Variants in MGAT5 observed in about 807,000 individuals in gnomAD.
MGAT5 encodes alpha-1,6-mannosylglycoprotein 6-beta-N-acetylglucosaminyltransferase A.
MGAT5 carries 30 observed loss-of-function variants against 94.3 expected under a neutral mutation model. The observed-to-expected ratio is 0.32, with a 90% confidence interval of 0.24 to 0.43. The LOEUF (loss-of-function observed/expected upper bound fraction) is 0.43, where lower values mean the gene tolerates loss of function less well. Ranked by LOEUF, MGAT5 falls within the 20% of genes least tolerant of loss-of-function variation. MGAT5 has a pLI of 1.00. For missense variants in MGAT5, 691 were observed against 905.5 expected, an observed-to-expected ratio of 0.76 and a Z score of 3.04; for synonymous variants, 310 against 322.9, an observed-to-expected ratio of 0.96 and a Z score of 0.43.
At chr2:134,411,271 C>T (rs774514014) in intron 11 of MGAT5, among the ~76,000 whole-genome samples, 34 of 152,148 alleles carry the variant, frequency 2.2e-4, no homozygotes, top group Non-Finnish European at 4.6e-4. Flanking sequence ...CTTTATCCTA[C>T]AGCTTCCAGG....
At chr2:134,279,217 G>A (rs1333140750) in intron 2 of MGAT5, among the ~76,000 whole-genome samples, 2 of 152,160 alleles carry the variant, frequency 1.3e-5, no homozygotes, top group Non-Finnish European at 2.9e-5. Flanking sequence ...CACCATTTCT[G>A]CCACTTATGT....
In MGAT5 at chr2:134,453,142, T is replaced by G. The variant is rs558758337; in HGVS notation, c.*4295T>G. On this transcript the variant is annotated 3_prime_UTR_variant, in exon 16 of 16. Coordinates refer to ENST00000281923, the MANE Select transcript of MGAT5 (RefSeq NM_002410.5). ...TAAAACTTGAGAAATAGAGCTGAGCTCATTCCCTTCCTGTTGATTCAAAAA... is the reference window on the plus strand; with the variant it reads ...TAAAACTTGAGAAATAGAGCTGAGCGCATTCCCTTCCTGTTGATTCAAAAA... The G allele has an allele frequency of 6.6e-6, 1 of 152,362 alleles. No individual in the cohort carries two copies. Among genetic ancestry groups the G allele is most frequent in the South Asian group, 2.1e-4 (1 of 4,828 alleles). The allele number at this position is 152,362 out of a possible 1,614,324, so 9.4% of individuals were successfully genotyped here.
intron 1 of MGAT5, among the ~76,000 whole-genome samples, chr2:134,231,606 T>C (rs893294553): frequency 1.3e-5 from 2 of 152,182 alleles, no homozygotes; most frequent in Non-Finnish European, 2.9e-5. Flanking sequence ...AGTGAAATAA[T>C]TAGTTGCTTG....
chr2:134,293,868 T>A (rs1685520406), intron 2 of MGAT5, among the ~76,000 whole-genome samples: 1 of 152,200 alleles, frequency 6.6e-6, no homozygotes, highest in Admixed American at 6.5e-5. Flanking sequence ...ATGGCTTTGC[T>A]AGCATGAAAT....
chr2:134,443,441 C>T (rs1017099617), intron 15 of MGAT5, among the ~76,000 whole-genome samples: 1 of 152,216 alleles, frequency 6.6e-6, no homozygotes, highest in Non-Finnish European at 1.5e-5. Context: ...ATCTGCCCGC[C>T]TAGGCCTCCC....
At chr2:134,232,225 G>T (rs1395787874) in intron 1 of MGAT5, among the ~76,000 whole-genome samples, 4 of 152,008 alleles carry the variant, frequency 2.6e-5, no homozygotes, top group Admixed American at 2.6e-4. Context: ...GCCTTTATTG[G>T]ACTCATTTCT....
At chr2:134,352,208 A>G (rs1303081025) in intron 9 of MGAT5, among the ~76,000 whole-genome samples, 4 of 152,168 alleles carry the variant, frequency 2.6e-5, no homozygotes, top group African/African-American at 9.7e-5. Flanking sequence ...ATATGAATCT[A>G]TCCCAAAGAT....
intron 11 of MGAT5, among the ~76,000 whole-genome samples, chr2:134,405,870 C>T (rs560934538): frequency 2.0e-5 from 3 of 152,364 alleles, no homozygotes; most frequent in Non-Finnish European, 2.9e-5. Context: ...TCATTAGTAG[C>T]CTCTTGCTTC....
chr2:134,300,549 T>C (rs1484131431), intron 2 of MGAT5, among the ~76,000 whole-genome samples: 2 of 152,170 alleles, frequency 1.3e-5, no homozygotes, highest in African/African-American at 4.8e-5. Flanking sequence ...CTAAATGCAC[T>C]CAGTGACAGA....
chr2:134,357,434 C>T (rs1679817320), intron 9 of MGAT5, among the ~76,000 whole-genome samples: 1 of 152,116 alleles, frequency 6.6e-6, no homozygotes, highest in Non-Finnish European at 1.5e-5. Context: ...AAAAATTTTG[C>T]CTGGCAAAAC....
intron 10 of MGAT5, among the ~76,000 whole-genome samples, chr2:134,382,645 G>A (rs971834074): frequency 8.5e-5 from 13 of 152,186 alleles, no homozygotes; most frequent in Non-Finnish European, 1.3e-4. Context: ...GGCGTTCCAG[G>A]ATTGAACACT....
At chr2:134,160,787 C>T (rs895741613) in intron 1 of MGAT5, among the ~76,000 whole-genome samples, 16 of 152,370 alleles carry the variant, frequency 1.1e-4, no homozygotes, top group African/African-American at 3.8e-4. Context: ...GTTCCTTCAT[C>T]TGCAAGTGGA....
chr2:134,225,592 TCA>T (rs1232554435), intron 1 of MGAT5, among the ~76,000 whole-genome samples: 2 of 152,056 alleles, frequency 1.3e-5, no homozygotes, highest in African/African-American at 4.8e-5. Flanking sequence ...CTGTGGGTAT[TCA>T]CGTTCAAGTG....
chr2:134,336,600 C>T (rs1440291888), intron 5 of MGAT5, among the ~76,000 whole-genome samples: 1 of 152,032 alleles, frequency 6.6e-6, no homozygotes, highest in Admixed American at 6.6e-5. Flanking sequence ...GTCACAAATG[C>T]TGTAATATAG....
chr2:134,191,985 G>T (rs1228962260), intron 1 of MGAT5, among the ~76,000 whole-genome samples: 1 of 146,576 alleles, frequency 6.8e-6, no homozygotes, highest in Non-Finnish European at 1.5e-5. Context: ...GGTTCCTGAT[G>T]GTAGGGTGGG....
At chr2:134,432,387 G>T (rs1684934014) in intron 14 of MGAT5, among the ~76,000 whole-genome samples, 2 of 152,210 alleles carry the variant, frequency 1.3e-5, no homozygotes, top group Admixed American at 1.3e-4. Context: ...GGAATCAGCT[G>T]AAGGTCCTAG....
intron 1 of MGAT5, among the ~76,000 whole-genome samples, chr2:134,229,417 G>A (rs569872277): frequency 4.9e-4 from 74 of 152,206 alleles, no homozygotes; most frequent in African/African-American, 1.6e-3. Context: ...TGTGTGTTTC[G>A]TTTTCTTTGG....
chr2:134,433,322 T>C (rs1042727603), intron 14 of MGAT5, among the ~76,000 whole-genome samples: 5 of 152,270 alleles, frequency 3.3e-5, no homozygotes, highest in Admixed American at 6.5e-5. Context: ...TATCCACGTT[T>C]TGACTAATGT....
intron 10 of MGAT5, among the ~76,000 whole-genome samples, chr2:134,364,270 C>T (rs929717540): frequency 7.2e-5 from 11 of 152,290 alleles, no homozygotes; most frequent in East Asian, 3.9e-4. Flanking sequence ...GAGGCTGAGG[C>T]GGGTGGATCA....
Sources: allele counts gnomAD v4.1 joint callset (sites outside exome capture counted in the v4.1 genomes callset), GRCh38; gene constraint gnomAD v4.1.1; transcripts MANE v1.5; gene names NCBI Gene and HGNC (gene_info 2026-07-23, HGNC 2026-07-21).